ZNF514: variants seen among roughly 807,000 people sequenced by gnomAD.
ZNF514 encodes zinc finger protein 514.
In ZNF514, 12 loss-of-function variants were observed where a neutral mutation model predicts 9.7. The observed-to-expected ratio is 1.24, with a 90% CI of 0.79 to 2.01. The LOEUF is 2.01. Among genes scored for constraint, ZNF514 ranks in the 30% most tolerant of loss-of-function variants. ZNF514 has a pLI of 0.00. For synonymous variants in ZNF514, 158 were observed against 163.7 expected, an observed-to-expected ratio of 0.97 and a Z score of 0.27; for missense variants, 467 against 465.5, an observed-to-expected ratio of 1.00 and a Z score of -0.03.
rs1191336634 is a variant in ZNF514, at chr2:95,146,460, C to T, written c.*2822G>A. On this transcript the variant is annotated 3_prime_UTR_variant, in exon 5 of 5. Coordinates refer to ENST00000295208, the MANE Select transcript of ZNF514 (RefSeq NM_032788.3). The stretch of plus-strand genomic sequence containing the variant: ...GGCTTTAGGTAAGTAGAGAAGGTGC[C>T]CCCGGCTGATAGAACAGCTAAGGTA... Among the ~76,000 whole-genome samples the T allele has an allele frequency of 1.3e-5, 2 of 152,060 alleles. No homozygotes were observed. Among genetic ancestry groups the T allele is most frequent in the East Asian group, 3.9e-4 (2 of 5,168 alleles).
At chr2:95,151,797 C>A (rs1295323510) in intron 4 of ZNF514, among the ~76,000 whole-genome samples, 4 of 152,166 alleles carry the variant, frequency 2.6e-5, no homozygotes, top group African/African-American at 9.7e-5. Flanking sequence ...TGCTCATATA[C>A]CACTGTTAAA....
the ZNF514 span, among the ~76,000 whole-genome samples, chr2:95,139,301 A>G: frequency 1.3e-5 from 2 of 152,290 alleles, no homozygotes; most frequent in East Asian, 1.9e-4. Context: ...GAAGGGGGCT[A>G]TTGCCCTCCA....
the ZNF514 span, among the ~76,000 whole-genome samples, chr2:95,126,562 A>G: frequency 6.6e-6 from 1 of 152,116 alleles, no homozygotes; most frequent in East Asian, 1.9e-4. Flanking sequence ...TCTCATAGGT[A>G]TGGTGACATA....
Position 95,148,071 on chromosome 2 carries a change from A to C in ZNF514, c.*1211T>G, listed in dbSNP as rs1290131804. 2.0e-5 allele frequency: 3 copies of C among 152,286 alleles called. No homozygotes were observed. Among genetic ancestry groups the C allele is most frequent in the Non-Finnish European group, 4.4e-5 (3 of 68,066 alleles). 9.4% of individuals were successfully genotyped at this position (152,286 alleles called of 1,614,324 possible). A position where few individuals can be genotyped will look rare whatever the true frequency, so the allele number is the denominator to read the frequency against. ...ACTCCATTGCCTCACAAAGAAAGGT[A>C]ACATGTGCTACAGAGAAAGAAGTGC... On this transcript the variant is annotated 3_prime_UTR_variant, in exon 5 of 5. Transcript: ENST00000295208.
the ZNF514 span, among the ~76,000 whole-genome samples, chr2:95,132,799 C>T: frequency 3.7e-5 from 5 of 136,552 alleles, no homozygotes; most frequent in East Asian, 2.4e-4. Context: ...ACCCAGGAGG[C>T]GGAGGTTGCA....
Position 95,149,400 on chromosome 2 carries a change from T to A in ZNF514, c.1085A>T (p.His362Leu). Residue 362 changes from histidine to leucine, a missense_variant, in exon 5 of 5, where the codon CAT (histidine) becomes CTT (leucine). Coordinates refer to ENST00000295208, the MANE Select transcript of ZNF514 (RefSeq NM_032788.3). ...TTTCTCTCCAGTGTGAAATCTGTAA[T>A]GTTGAGTGAGAGATGAACTCTGGCT... The part of the protein sequence containing the change: ...AFSQSSSLTQ[H>L]YRFHTGEKPY... 2 of 1,614,100 alleles carry A rather than the reference T, an allele frequency of 1.2e-6. No individual in the cohort carries two copies. The highest frequency in any genetic ancestry group is 1.7e-6 in the Non-Finnish European group (2 of 1,180,004).
At chr2:95,130,418 G>A in the ZNF514 span, among the ~76,000 whole-genome samples, 2 of 152,152 alleles carry the variant, frequency 1.3e-5, no homozygotes, top group African/African-American at 2.4e-5. Context: ...TGAGATCAAC[G>A]GGTCTGAACA....
chr2:95,144,108 T>C (rs1294800122), downstream of ZNF514, among the ~76,000 whole-genome samples: 1 of 152,210 alleles, frequency 6.6e-6, no homozygotes, highest in Non-Finnish European at 1.5e-5. Context: ...TTGATAGCAC[T>C]CTGCTTGGAG....
chr2:95,127,979 G>T, the ZNF514 span, among the ~76,000 whole-genome samples: 1 of 152,188 alleles, frequency 6.6e-6, no homozygotes, highest in Non-Finnish European at 1.5e-5. Flanking sequence ...ACATGCAGTG[G>T]CTCACACCTG....
chr2:95,140,026 A>T (rs1676801675), downstream of ZNF514, among the ~76,000 whole-genome samples: 1 of 152,180 alleles, frequency 6.6e-6, no homozygotes, highest in Non-Finnish European at 1.5e-5. Flanking sequence ...AAACTATCAC[A>T]AGGACAGAAA....
In ZNF514 at chr2:95,150,168, T is replaced by A; in HGVS notation, c.317A>T (p.Asp106Val). The change falls in exon 5 of 5, where the codon GAT becomes GTT. Residue 106 changes from aspartate (D) to valine (V), a missense_variant. Asp to Val is a radical substitution (Grantham distance 152). Transcript: ENST00000295208. Reference protein sequence around the residue: ...QVVSVEKHIQDVLQFSKLKAA... With the variant: ...QVVSVEKHIQVVLQFSKLKAA... ...TTTCAACTTCGAGAACTGCAGCACA[T>A]CTTGAATGTGTTTTTCCACTGATAC... 6.2e-7 allele frequency: 1 copy of A among 1,609,872 alleles called. No individual in the cohort carries two copies. Among genetic ancestry groups the A allele is most frequent in the Non-Finnish European group, 8.5e-7 (1 of 1,179,958 alleles).
the ZNF514 span, among the ~76,000 whole-genome samples, chr2:95,138,421 G>A: frequency 1.3e-5 from 2 of 152,176 alleles, no homozygotes; most frequent in Non-Finnish European, 1.5e-5. Flanking sequence ...AGATAGAAAT[G>A]AGAAACATAT....
the ZNF514 span, among the ~76,000 whole-genome samples, chr2:95,133,235 G>A: frequency 1.3e-5 from 2 of 152,190 alleles, no homozygotes; most frequent in Admixed American, 6.5e-5. Flanking sequence ...CTGAGGGGCT[G>A]AGGTGGGAGA....
At chr2:95,123,442 T>C in the ZNF514 span, among the ~76,000 whole-genome samples, 1 of 152,218 alleles carries the variant, frequency 6.6e-6, no homozygotes, top group African/African-American at 2.4e-5. Flanking sequence ...CTTATCTTCT[T>C]CCCACTGGGA....
intron 2 of ZNF514, chr2:95,155,522 G>A (rs993013996): frequency 6.6e-5 from 10 of 152,144 alleles, no homozygotes; most frequent in Non-Finnish European, 1.3e-4. Context: ...TAGTTTATAG[G>A]TATCCAGACC....
rs1673340522 is a variant in ZNF514, at chr2:95,145,588, A to T, written c.*3694T>A. Among the ~76,000 whole-genome samples the T allele has an allele frequency of 6.6e-6, 1 of 152,100 alleles. No individual in the cohort carries two copies. The highest frequency in any genetic ancestry group is 6.5e-5 in the Admixed American group (1 of 15,274). ...TGATTCCAGGTCTTTGGATAAACCC[A>T]CTGCCAATCAGAAAATCTTTGAATC... On this transcript the variant is annotated 3_prime_UTR_variant, in exon 5 of 5. Coordinates refer to ENST00000295208, the MANE Select transcript of ZNF514 (RefSeq NM_032788.3).
intron 3 of ZNF514, 85 bp from the exon 4 acceptor site, chr2:95,152,854 T>C: frequency 7.7e-7 from 1 of 1,294,454 alleles, no homozygotes; most frequent in Non-Finnish European, 1.1e-6. Flanking sequence ...GGAGAAATAC[T>C]GTAGGCATGG....
At chr2:95,142,503 C>T (rs1673262397), downstream of ZNF514, among the ~76,000 whole-genome samples, 1 of 152,326 alleles carries the variant, frequency 6.6e-6, no homozygotes, top group South Asian at 2.1e-4. Context: ...TAATGTAAGG[C>T]CTTTGTTCCA....
the ZNF514 span, among the ~76,000 whole-genome samples, chr2:95,124,411 T>G: frequency 2.6e-5 from 4 of 152,224 alleles, no homozygotes; most frequent in Non-Finnish European, 5.9e-5. Context: ...CTGAGTAGTA[T>G]TCCATGGCAC....
Sources: gnomAD v4.1 joint callset for allele counts (sites outside exome capture counted in the v4.1 genomes callset) on GRCh38, gnomAD v4.1.1 for gene constraint, MANE v1.5 for transcripts, NCBI Gene and HGNC (gene_info 2026-07-23, HGNC 2026-07-21) for gene names.